Variants in GLYATL2 observed in about 807,000 individuals in gnomAD.
The protein encoded by GLYATL2 is glycine N-acyltransferase-like protein 2.
In GLYATL2, 25 loss-of-function variants were observed where a neutral mutation model predicts 21.4. The ratio of observed to expected loss-of-function variants is 1.17; its 90% CI spans 0.85 to 1.63. The LOEUF is 1.63. Among genes scored for constraint, GLYATL2 ranks in the 40% most tolerant of loss-of-function variants. The pLI, the probability that GLYATL2 is intolerant of heterozygous loss-of-function variation, is 0.00. For synonymous variants in GLYATL2, 114 were observed against 118.2 expected (o/e 0.96, Z 0.23); for missense variants, 361 against 343.3 (o/e 1.05, Z -0.41).
chr11:58,839,803 G>A (rs941651767), intron 1 of GLYATL2, among the ~76,000 whole-genome samples, 151 bp from the exon 2 acceptor site: 1 of 152,176 alleles, frequency 6.6e-6, no homozygotes, highest in Admixed American at 6.5e-5. Context: ...GTTTACAAAT[G>A]AGAAATTAAA....
intron 1 of GLYATL2, among the ~76,000 whole-genome samples, chr11:58,876,279 C>G (rs1453305675): frequency 6.6e-6 from 1 of 152,172 alleles, no homozygotes; most frequent in Non-Finnish European, 1.5e-5. Flanking sequence ...TGAAGCCTTC[C>G]TCTCTCAACT....
At chr11:58,858,028 C>T (rs1416850473) in intron 1 of GLYATL2, among the ~76,000 whole-genome samples, 1 of 151,820 alleles carries the variant, frequency 6.6e-6, no homozygotes, top group Admixed American at 6.6e-5. Flanking sequence ...ACATTTAAAA[C>T]ACACTTGTTT....
chr11:58,897,670 T>C (rs914848788), intron 1 of GLYATL2, among the ~76,000 whole-genome samples: 3 of 152,172 alleles, frequency 2.0e-5, no homozygotes, highest in Non-Finnish European at 4.4e-5. Flanking sequence ...CCCAAACTCA[T>C]GTGTTATAGG....
chr11:58,856,604 C>G (rs1853831628), intron 1 of GLYATL2, among the ~76,000 whole-genome samples: 1 of 152,006 alleles, frequency 6.6e-6, no homozygotes, highest in Non-Finnish European at 1.5e-5. Context: ...TGGTTTATAA[C>G]TGGCGTAATT....
At chr11:58,857,850 A>T (rs542311558) in intron 1 of GLYATL2, among the ~76,000 whole-genome samples, 17 of 144,598 alleles carry the variant, frequency 1.2e-4, no homozygotes, top group African/African-American at 3.4e-4. Flanking sequence ...CTGTCTCCTG[A>T]CTTACCTGCT....
chr11:58,893,146 A>C, intron 1 of GLYATL2: 1 of 398,558 alleles, frequency 2.5e-6, no homozygotes, highest in Non-Finnish European at 4.7e-6. Context: ...TCCTTACATC[A>C]AGCGCTGCAT....
chr11:58,845,817 A>G (rs10896856), upstream of GLYATL2, among the ~76,000 whole-genome samples: 39,979 of 152,068 alleles, frequency 0.26, 5,737 homozygotes, highest in East Asian at 0.5. Context: ...CTATGATTCC[A>G]TAGAGAGTGA....
intron 1 of GLYATL2, among the ~76,000 whole-genome samples, chr11:58,842,962 A>G (rs1376903496): frequency 6.6e-6 from 1 of 152,190 alleles, no homozygotes; most frequent in East Asian, 1.9e-4. Flanking sequence ...ATTGTTTTAT[A>G]TTAGAAGTGT....
At chr11:58,897,391 G>T (rs1021128559) in intron 1 of GLYATL2, among the ~76,000 whole-genome samples, 2 of 152,162 alleles carry the variant, frequency 1.3e-5, no homozygotes, top group African/African-American at 4.8e-5. Flanking sequence ...TTGTAATGAT[G>T]TCCAAGGTCA....
chr11:58,862,024 T>TA (rs1488739808), intron 1 of GLYATL2, among the ~76,000 whole-genome samples: 1 of 143,362 alleles, frequency 7.0e-6, no homozygotes, highest in Non-Finnish European at 1.5e-5. Context: ...GCAAAGTTTT[T>TA]AATCTCTCCA....
chr11:58,837,102 G>C lies in GLYATL2; in HGVS notation c.389C>G (p.Thr130Ser), dbSNP rs1853446515. The change falls in exon 5 of 6, where the codon ACC (threonine) becomes AGC (serine). Residue 130 changes from threonine (T) to serine (S), a missense_variant. Coordinates refer to ENST00000287275, the MANE Select transcript of GLYATL2 (RefSeq NM_145016.4). The part of the protein sequence containing the change: ...SKSVQVDYMK[T>S]ILFIPELPKK... The stretch of plus-strand genomic sequence containing the variant: ...TGGTAATTCCGGTATAAAGAGGATG[G>C]TTTTCATGTAATCTACCTGCACTGA... 1 of 1,613,784 alleles carries C rather than the reference G, an allele frequency of 6.2e-7. No individual in the cohort carries two copies. The highest frequency in any genetic ancestry group is 8.5e-7 in the Non-Finnish European group (1 of 1,179,846).
intron 1 of GLYATL2, among the ~76,000 whole-genome samples, chr11:58,869,148 G>A (rs530071428): frequency 1.8e-4 from 27 of 152,318 alleles, no homozygotes; most frequent in South Asian, 1.0e-3. Flanking sequence ...CACTTTTGGG[G>A]CTTGACTGAT....
At chr11:58,857,932 A>G (rs2515791) in intron 1 of GLYATL2, among the ~76,000 whole-genome samples, 129,092 of 147,000 alleles carry the variant, frequency 0.88, 57,805 homozygotes, top group Non-Finnish European at 0.96. Context: ...ACAAACAAAC[A>G]AAAAATATCT....
chr11:58,907,618 C>G, upstream of GLYATL2: 1 of 296,256 alleles, frequency 3.4e-6, no homozygotes, highest in South Asian at 3.3e-5. Flanking sequence ...GGATCTGTCT[C>G]TATTCACTGA....
At chr11:58,898,266 A>G (rs559554419) in intron 1 of GLYATL2, among the ~76,000 whole-genome samples, 7 of 152,262 alleles carry the variant, frequency 4.6e-5, no homozygotes, top group Admixed American at 4.6e-4. Flanking sequence ...AAGTGAGACA[A>G]ATGTTTTTAT....
At position 58,843,392 on chromosome 11, in the gene GLYATL2, G is replaced by C. The variant is rs116831205; in HGVS notation, c.-41+1042C>G. On this transcript the variant is annotated intron_variant, in intron 1 of 5. Transcript: ENST00000287275. The stretch of plus-strand genomic sequence containing the variant: ...AGTGGACTAGAATTAGCAAGGACTA[G>C]CAAGCATGCTTAGGATAATGTAAAG... Among the ~76,000 whole-genome samples the C allele has an allele frequency of 8.3e-3, 1,261 of 152,262 alleles. 24 individuals are homozygous for C. The highest frequency in any genetic ancestry group is 0.029 in the African/African-American group (1,211 of 41,536).
chr11:58,899,377 T>G (rs982092030), intron 1 of GLYATL2, among the ~76,000 whole-genome samples: 2 of 151,926 alleles, frequency 1.3e-5, no homozygotes, highest in African/African-American at 4.8e-5. Flanking sequence ...AAGCTTACAT[T>G]CTGGAGCAGG....
At chr11:58,906,420 C>T (rs558597486), upstream of GLYATL2, among the ~76,000 whole-genome samples, 1 of 152,096 alleles carries the variant, frequency 6.6e-6, no homozygotes, top group Non-Finnish European at 1.5e-5. Context: ...AGAGCAGAAA[C>T]TTTATTCACT....
chr11:58,898,567 A>G (rs1475646431), intron 1 of GLYATL2, among the ~76,000 whole-genome samples: 1 of 151,100 alleles, frequency 6.6e-6, no homozygotes, highest in Non-Finnish European at 1.5e-5. Context: ...GGGTGCAGTG[A>G]CTGACGCCTG....
Sources: allele counts gnomAD v4.1 joint callset (sites outside exome capture counted in the v4.1 genomes callset), GRCh38; gene constraint gnomAD v4.1.1; transcripts MANE v1.5; gene names NCBI Gene and HGNC (gene_info 2026-07-23, HGNC 2026-07-21).